Variants in ZNF804A observed in about 807,000 individuals in gnomAD.
ZNF804A encodes zinc finger protein 804A.
In ZNF804A, 2 loss-of-function variants were observed where a neutral mutation model predicts 16.5. That is an observed-to-expected ratio of 0.12 (90% confidence interval 0.05 to 0.38). The LOEUF is 0.38. ZNF804A is among the 10% of genes least tolerant of loss of function. ZNF804A has a pLI of 0.99. For missense variants in ZNF804A, 1,473 were observed against 1,390.7 expected (o/e 1.06, Z -0.94); for synonymous variants, 534 against 489.6 (o/e 1.09, Z -1.20).
chr2:184,792,497 C>G (rs1489850759), intron 1 of ZNF804A, among the ~76,000 whole-genome samples: 1 of 151,928 alleles, frequency 6.6e-6, no homozygotes, highest in African/African-American at 2.4e-5. Context: ...TTGCCCATTT[C>G]TTCATTAGTT....
At chr2:184,802,100 G>A (rs1694735505) in intron 1 of ZNF804A, among the ~76,000 whole-genome samples, 1 of 152,146 alleles carries the variant, frequency 6.6e-6, no homozygotes, top group Non-Finnish European at 1.5e-5. Context: ...CAAGAGACCT[G>A]TTCATGGTAG....
At chr2:184,759,961 A>G (rs927180978) in intron 1 of ZNF804A, among the ~76,000 whole-genome samples, 4 of 152,086 alleles carry the variant, frequency 2.6e-5, no homozygotes, top group Non-Finnish European at 5.9e-5. Flanking sequence ...TGAAATAAAC[A>G]GCCTTGTTGC....
chr2:184,907,087 G>T (rs1227315332), intron 2 of ZNF804A, among the ~76,000 whole-genome samples: 1 of 152,170 alleles, frequency 6.6e-6, no homozygotes, highest in Non-Finnish European at 1.5e-5. Context: ...AGAGCTTCCA[G>T]ATGAGAACCC....
intron 1 of ZNF804A, among the ~76,000 whole-genome samples, chr2:184,668,550 A>G (rs959874784): frequency 2.0e-5 from 3 of 151,964 alleles, no homozygotes; most frequent in African/African-American, 7.2e-5. Context: ...ACATGGTAGG[A>G]AATTTAGTTG....
chr2:184,604,714 G>A (rs1691114020), intron 1 of ZNF804A, among the ~76,000 whole-genome samples: 3 of 152,144 alleles, frequency 2.0e-5, no homozygotes, highest in African/African-American at 7.2e-5. Flanking sequence ...CCTGACCATT[G>A]AAGGCACTTC....
At position 184,937,124 on chromosome 2, in the gene ZNF804A, A is replaced by G. The variant is rs199523267; in HGVS notation, c.1728A>G (p.Lys576=). The G allele has an allele frequency of 6.2e-7, 1 of 1,603,800 alleles. No individual in the cohort carries two copies. Among genetic ancestry groups the G allele is most frequent in the South Asian group, 1.1e-5 (1 of 89,150 alleles). ...TAAAACAGGACACTCTAGATGAAAA[A>G]TACAACAAAATAAGGTTGAAAGAGA... ...SQIKQDTLDE[K]YNKIRLKETH... The change falls in exon 4 of 4, where the codon AAA becomes AAG. Residue 576 remains lysine, a synonymous_variant. Transcript: ENST00000302277.
At chr2:184,880,237 A>G (rs1303317725) in intron 2 of ZNF804A, among the ~76,000 whole-genome samples, 2 of 152,076 alleles carry the variant, frequency 1.3e-5, no homozygotes, top group African/African-American at 2.4e-5. Context: ...AGATATTTCA[A>G]AAAAAATTAA....
At chr2:184,736,675 C>G (rs1052241556) in intron 1 of ZNF804A, among the ~76,000 whole-genome samples, 2 of 151,282 alleles carry the variant, frequency 1.3e-5, no homozygotes, top group Non-Finnish European at 2.9e-5. Flanking sequence ...GAAACCTGCA[C>G]GTTCTGCACA....
intron 1 of ZNF804A, among the ~76,000 whole-genome samples, chr2:184,741,750 A>G (rs1693711484): frequency 6.6e-6 from 1 of 152,130 alleles, no homozygotes; most frequent in Non-Finnish European, 1.5e-5. Flanking sequence ...TACAGGTAAT[A>G]TTTGATGCTA....
chr2:184,688,216 T>C (rs1044116676), intron 1 of ZNF804A, among the ~76,000 whole-genome samples: 6 of 152,086 alleles, frequency 3.9e-5, no homozygotes, highest in Non-Finnish European at 8.8e-5. Flanking sequence ...AATATAGTGA[T>C]AGAACAAATT....
intron 1 of ZNF804A, among the ~76,000 whole-genome samples, chr2:184,827,119 G>A (rs1695179783): frequency 1.3e-5 from 2 of 151,678 alleles, no homozygotes; most frequent in South Asian, 4.2e-4. Flanking sequence ...GGTCCTACAT[G>A]AGTTAACATT....
At chr2:184,753,434 A>G (rs778571183) in intron 1 of ZNF804A, among the ~76,000 whole-genome samples, 1 of 151,620 alleles carries the variant, frequency 6.6e-6, no homozygotes, top group Non-Finnish European at 1.5e-5. Context: ...TGCAATACCA[A>G]TTCCCTCATA....
intron 2 of ZNF804A, among the ~76,000 whole-genome samples, chr2:184,917,293 T>C (rs1338203080): frequency 6.6e-6 from 1 of 152,138 alleles, no homozygotes; most frequent in Non-Finnish European, 1.5e-5. Flanking sequence ...ACCCAAAAGA[T>C]ACCAATCCCT....
chr2:184,937,062 A>G lies in ZNF804A; in HGVS notation c.1666A>G (p.Arg556Gly). Residue 556 changes from arginine (R) to glycine (G), a missense_variant, in exon 4 of 4, where the codon AGA becomes GGA. Arg to Gly is a moderately radical substitution (Grantham distance 125). Coordinates refer to ENST00000302277, the MANE Select transcript of ZNF804A (RefSeq NM_194250.2). ...GTATAAAAACATTTCCTGTAAGATCAGAGAAACAGAAAAGTATAATTTTAC... is the reference window on the plus strand; with the variant it reads ...GTATAAAAACATTTCCTGTAAGATCGGAGAAACAGAAAAGTATAATTTTAC... ...QRYKNISCKIRETEKYNFTKS... is the reference protein window; with the variant it reads ...QRYKNISCKIGETEKYNFTKS... The G allele has an allele frequency of 6.2e-7, 1 of 1,603,896 alleles. No homozygotes were observed.
chr2:184,621,914 T>C (rs1418726975), intron 1 of ZNF804A, among the ~76,000 whole-genome samples: 2 of 151,846 alleles, frequency 1.3e-5, no homozygotes, highest in Non-Finnish European at 3.0e-5. Context: ...AATGAAAACA[T>C]CTTATGGCCA....
chr2:184,616,313 A>G (rs1691318389), intron 1 of ZNF804A, among the ~76,000 whole-genome samples: 1 of 152,036 alleles, frequency 6.6e-6, no homozygotes, highest in Non-Finnish European at 1.5e-5. Flanking sequence ...TTTGTCTGTA[A>G]ATAGCAAAAA....
intron 1 of ZNF804A, among the ~76,000 whole-genome samples, chr2:184,686,881 AT>A (rs1230234257): frequency 1.3e-5 from 2 of 151,910 alleles, no homozygotes; most frequent in African/African-American, 4.8e-5. Context: ...CCATTTCACA[AT>A]TTTTTTCTTG....
At chr2:184,607,265 T>G (rs1691164655) in intron 1 of ZNF804A, among the ~76,000 whole-genome samples, 1 of 152,278 alleles carries the variant, frequency 6.6e-6, no homozygotes, top group East Asian at 1.9e-4. Context: ...TTAGATAAAA[T>G]ATTGTATTAG....
chr2:184,719,557 T>C (rs529043871), intron 1 of ZNF804A, among the ~76,000 whole-genome samples: 1 of 152,320 alleles, frequency 6.6e-6, no homozygotes, highest in South Asian at 2.1e-4. Context: ...ACCTTTTGAA[T>C]GCTTTGCTGC....
Sources: gnomAD v4.1 joint callset for allele counts (sites outside exome capture counted in the v4.1 genomes callset) on GRCh38, gnomAD v4.1.1 for gene constraint, MANE v1.5 for transcripts, NCBI Gene and HGNC (gene_info 2026-07-23, HGNC 2026-07-21) for gene names.